The following GALNTL6 variants were observed in gnomAD, a reference collection of about 807,000 sequenced individuals.
The protein encoded by GALNTL6 is polypeptide N-acetylgalactosaminyltransferase like 6.
In GALNTL6, 46 loss-of-function variants were observed where a neutral mutation model predicts 73.7. The ratio of observed to expected loss-of-function variants is 0.62; its 90% CI spans 0.49 to 0.80. The LOEUF is 0.80. Ranked by LOEUF, GALNTL6 falls within the 30% of genes least tolerant of loss-of-function variation. The pLI, the probability that GALNTL6 is intolerant of heterozygous loss-of-function variation, is 0.00. For missense variants in GALNTL6, 604 were observed against 755.0 expected (o/e 0.80, Z 2.34); for synonymous variants, 259 against 263.7 (o/e 0.98, Z 0.17).
At chr4:172,514,885 T>C (rs1734548984) in intron 5 of GALNTL6, among the ~76,000 whole-genome samples, 2 of 152,196 alleles carry the variant, frequency 1.3e-5, no homozygotes, top group Non-Finnish European at 2.9e-5. Context: ...TCAGGCTTCC[T>C]AGTAAGGATG....
At chr4:172,010,832 T>C (rs1740984834) in intron 2 of GALNTL6, among the ~76,000 whole-genome samples, 1 of 152,018 alleles carries the variant, frequency 6.6e-6, no homozygotes, top group Non-Finnish European at 1.5e-5. Flanking sequence ...GTGAAAACTG[T>C]TGACACAACG....
chr4:171,968,234 AC>A (rs1739446943), intron 2 of GALNTL6, among the ~76,000 whole-genome samples: 1 of 152,048 alleles, frequency 6.6e-6, no homozygotes, highest in South Asian at 2.1e-4. Context: ...ATAAATGATC[AC>A]ACACTGGGTG....
intron 2 of GALNTL6, among the ~76,000 whole-genome samples, chr4:171,851,104 A>T (rs779093202): frequency 1.2e-4 from 18 of 152,222 alleles, no homozygotes; most frequent in Admixed American, 2.6e-4. Flanking sequence ...GATAGGAACG[A>T]ACTTGAATGT....
intron 5 of GALNTL6, among the ~76,000 whole-genome samples, chr4:172,521,867 G>C (rs1028324613): frequency 6.6e-6 from 1 of 152,134 alleles, no homozygotes; most frequent in Non-Finnish European, 1.5e-5. Flanking sequence ...GGAGATAAAA[G>C]GTTCCACTGA....
intron 7 of GALNTL6, among the ~76,000 whole-genome samples, chr4:172,876,353 A>C (rs1173877542): frequency 1.3e-5 from 2 of 152,198 alleles, no homozygotes; most frequent in Admixed American, 6.5e-5. Context: ...TAATTCTGCC[A>C]CCTGCTTTTG....
chr4:172,809,576 G>A lies in GALNTL6; in HGVS notation c.739+30G>A. ...GTACAGGTTGCTAAGCACCATCCTG[G>A]GATGCCTCAGGGGAACTGAGCGGTT... On this transcript the variant is annotated intron_variant, in intron 6 of 12. Transcript: ENST00000506823. This position sits in a 1 kb window ranked among gnomAD's most constrained non-coding sequence, Gnocchi z 4.4. 3.2e-6 allele frequency: 5 copies of A among 1,560,852 alleles called. No homozygotes were observed. The highest frequency in any genetic ancestry group is 4.4e-6 in the Non-Finnish European group (5 of 1,147,052).
chr4:171,938,278 CT>C (rs1337626127), intron 2 of GALNTL6, among the ~76,000 whole-genome samples: 1 of 152,126 alleles, frequency 6.6e-6, no homozygotes, highest in Non-Finnish European at 1.5e-5. Flanking sequence ...CCTCCTACCC[CT>C]GACAACAATT....
chr4:172,590,315 A>G (rs1737584336), intron 5 of GALNTL6, among the ~76,000 whole-genome samples: 1 of 152,170 alleles, frequency 6.6e-6, no homozygotes, highest in Non-Finnish European at 1.5e-5. Flanking sequence ...GTTGATGGAC[A>G]TGCAAACTGG....
At chr4:172,745,403 T>C (rs1382457836) in intron 5 of GALNTL6, among the ~76,000 whole-genome samples, 2 of 146,688 alleles carry the variant, frequency 1.4e-5, no homozygotes, top group Non-Finnish European at 3.0e-5. Context: ...ATTGTAGAGA[T>C]TAAAGAAAAT....
At chr4:171,927,879 C>G (rs1480992388) in intron 2 of GALNTL6, among the ~76,000 whole-genome samples, 1 of 152,152 alleles carries the variant, frequency 6.6e-6, no homozygotes, top group African/African-American at 2.4e-5. Context: ...AAAGTTCTTT[C>G]TTTACCTTTC....
At chr4:172,610,962 T>C (rs1472578561) in intron 5 of GALNTL6, among the ~76,000 whole-genome samples, 1 of 152,076 alleles carries the variant, frequency 6.6e-6, no homozygotes, top group Admixed American at 6.6e-5. Flanking sequence ...TTTGGATCAT[T>C]GTTCATTTAA....
intron 3 of GALNTL6, among the ~76,000 whole-genome samples, chr4:172,275,510 G>A (rs1738796925): frequency 6.6e-6 from 1 of 152,110 alleles, no homozygotes; most frequent in African/African-American, 2.4e-5. Context: ...ACCTACCTTA[G>A]GGGTTTTTAT....
At chr4:172,117,620 T>G (rs1733023270) in intron 2 of GALNTL6, among the ~76,000 whole-genome samples, 1 of 152,148 alleles carries the variant, frequency 6.6e-6, no homozygotes, top group African/African-American at 2.4e-5. Context: ...AATGCAAATT[T>G]TTGGTTTCAA....
At chr4:172,133,213 T>C (rs146831995) in intron 2 of GALNTL6, among the ~76,000 whole-genome samples, 1,537 of 152,314 alleles carry the variant, frequency 0.01, 26 homozygotes, top group African/African-American at 0.035. Context: ...ACTCCAGTTT[T>C]TCTCCCTTAA....
chr4:172,675,343 G>T (rs563616997), intron 5 of GALNTL6, among the ~76,000 whole-genome samples: 2 of 152,202 alleles, frequency 1.3e-5, no homozygotes, highest in Non-Finnish European at 2.9e-5. Context: ...AATCCACTGC[G>T]CTGTGAAGGC....
At chr4:172,032,817 C>T (rs1206489618) in intron 2 of GALNTL6, among the ~76,000 whole-genome samples, 3 of 152,078 alleles carry the variant, frequency 2.0e-5, no homozygotes, top group Non-Finnish European at 1.5e-5. Flanking sequence ...AATAATGTCT[C>T]TTGCAGAAAG....
At chr4:172,685,839 T>G (rs1208648743) in intron 5 of GALNTL6, among the ~76,000 whole-genome samples, 6 of 152,224 alleles carry the variant, frequency 3.9e-5, no homozygotes, top group Non-Finnish European at 8.8e-5. Flanking sequence ...TCTGGCATCA[T>G]ATTTTTCTCC....
In GALNTL6 at chr4:172,071,077, G is replaced by A. The variant is rs183655949; in HGVS notation, c.139-158579G>A. Among the ~76,000 whole-genome samples the A allele has an allele frequency of 3.7e-4, 41 of 109,484 alleles. 13 individuals carry two copies. Among genetic ancestry groups the A allele is most frequent in the African/African-American group, 1.4e-3 (40 of 29,102 alleles). 71.8% of individuals were successfully genotyped at this position (109,484 alleles called of 152,430 possible). A position where few individuals can be genotyped will look rare whatever the true frequency, so the allele number is the denominator to read the frequency against. On this transcript the variant is annotated intron_variant, in intron 2 of 12. Transcript: ENST00000506823. ...AAGTAAGAGTCAGATCTGATGTAGCGAGGTGAAGACTGACTAATGAAGGTG... is the reference window on the plus strand; with the variant it reads ...AAGTAAGAGTCAGATCTGATGTAGCAAGGTGAAGACTGACTAATGAAGGTG...
At position 172,778,903 on chromosome 4, in the gene GALNTL6, C is replaced by T. The variant is rs554616652; in HGVS notation, c.554-30458C>T. On this transcript the variant is annotated intron_variant, in intron 5 of 12. Transcript: ENST00000506823. The stretch of plus-strand genomic sequence containing the variant: ...GACCTAACCCCGTGCCTTAGCACTT[C>T]TTGCTCATCTTGCACTGCTTTATTT... Among the ~76,000 whole-genome samples, 13 of 152,200 alleles carry T rather than the reference C, an allele frequency of 8.5e-5. No individual in the cohort carries two copies. The South Asian group carries it at 2.7e-3, about 32-fold the overall frequency.
Sources: gnomAD v4.1 joint callset for allele counts (sites outside exome capture counted in the v4.1 genomes callset) on GRCh38, gnomAD v4.1.1 for gene constraint, Gnocchi (gnomAD v3.1) non-coding constraint, MANE v1.5 for transcripts, NCBI Gene and HGNC (gene_info 2026-07-23, HGNC 2026-07-21) for gene names.